The following SDK1 variants were observed in gnomAD, a reference collection of about 807,000 sequenced individuals.
The protein encoded by SDK1 is sidekick cell adhesion molecule 1, also known as protein sidekick-1.
A neutral mutation model predicts 245.5 loss-of-function variants in SDK1; 157 were observed. That is an observed-to-expected ratio of 0.64 (90% confidence interval 0.56 to 0.73). The LOEUF is 0.73. SDK1 is among the 30% of genes least tolerant of loss of function. SDK1 has a pLI of 0.00. For missense variants in SDK1, 3,583 were observed against 3,002.3 expected (o/e 1.19, Z -4.52); for synonymous variants, 1,647 against 1,278.5 (o/e 1.29, Z -6.15).
intron 5 of SDK1, among the ~76,000 whole-genome samples, chr7:3,943,944 C>T (rs535678729): frequency 1.2e-4 from 19 of 152,234 alleles, no homozygotes; most frequent in Non-Finnish European, 1.8e-4. Flanking sequence ...ACCTGGCGCC[C>T]GTTGGTTGCT....
chr7:4,160,724 A>G (rs971239325), intron 31 of SDK1, among the ~76,000 whole-genome samples: 3 of 152,192 alleles, frequency 2.0e-5, no homozygotes, highest in Admixed American at 6.5e-5. Flanking sequence ...CTGTATCACC[A>G]GGGCTGTCAG....
intron 35 of SDK1, among the ~76,000 whole-genome samples, chr7:4,196,449 C>G (rs1234384262): frequency 6.6e-6 from 1 of 152,254 alleles, no homozygotes; most frequent in Non-Finnish European, 1.5e-5. Context: ...TAAAGCCATT[C>G]AGTCCCCTGG....
intron 1 of SDK1, among the ~76,000 whole-genome samples, chr7:3,594,489 C>T (rs1161160729): frequency 1.3e-5 from 2 of 152,118 alleles, no homozygotes; most frequent in Non-Finnish European, 2.9e-5. Context: ...ATTACTGGGT[C>T]GTATGGTAAC....
chr7:4,232,397 C>CTTTTTTTTTTTTTTTTTTTTTTTTTT (rs1785838734), intron 40 of SDK1, among the ~76,000 whole-genome samples: 6 of 73,908 alleles, frequency 8.1e-5, no homozygotes, highest in Non-Finnish European at 1.4e-4. Context: ...TTTTTCTTTT[C>CTTTTTTTTTTTTTTTTTTTTTTTTTT]TTTTCTTTTC....
At chr7:3,650,185 G>C (rs576099523) in intron 4 of SDK1, among the ~76,000 whole-genome samples, 43 of 152,270 alleles carry the variant, frequency 2.8e-4, no homozygotes, top group African/African-American at 1.0e-3. Context: ...AGAGCGCTGG[G>C]AGTACAGGTG....
intron 17 of SDK1, among the ~76,000 whole-genome samples, chr7:4,022,232 G>A (rs1351467990): frequency 2.6e-5 from 4 of 152,192 alleles, no homozygotes; most frequent in East Asian, 1.9e-4. Context: ...AAGAGAATTC[G>A]ACAGCATGTC....
At chr7:3,969,690 C>T (rs1014070405) in intron 11 of SDK1, among the ~76,000 whole-genome samples, 13 of 152,182 alleles carry the variant, frequency 8.5e-5, no homozygotes, top group African/African-American at 3.1e-4. Flanking sequence ...GGAGATATTA[C>T]ACAAAACTAG....
intron 4 of SDK1, among the ~76,000 whole-genome samples, chr7:3,738,865 TTGA>T (rs1779396094): frequency 1.3e-5 from 2 of 152,186 alleles, no homozygotes; most frequent in African/African-American, 4.8e-5. Context: ...GTTCATTGTG[TTGA>T]TTTTGTTTCC....
At chr7:3,374,057 G>C (rs1342065443) in intron 1 of SDK1, among the ~76,000 whole-genome samples, 2 of 152,162 alleles carry the variant, frequency 1.3e-5, no homozygotes. Flanking sequence ...TGTCATCTCA[G>C]TCCAAATTGT....
At chr7:3,812,765 T>C (rs1779416544) in intron 4 of SDK1, among the ~76,000 whole-genome samples, 3 of 152,328 alleles carry the variant, frequency 2.0e-5, no homozygotes, top group Admixed American at 2.0e-4. Flanking sequence ...TGAAGTTTAA[T>C]GGCTTTCTCC....
intron 1 of SDK1, among the ~76,000 whole-genome samples, chr7:3,551,718 C>T (rs1031925630): frequency 5.9e-5 from 9 of 152,080 alleles, no homozygotes; most frequent in Non-Finnish European, 1.2e-4. Flanking sequence ...GTGTGTCACC[C>T]AGGCTGGAGT....
chr7:3,578,922 C>G (rs747081395), intron 1 of SDK1, among the ~76,000 whole-genome samples: 2 of 151,850 alleles, frequency 1.3e-5, no homozygotes, highest in African/African-American at 2.4e-5. Flanking sequence ...CATACATCCT[C>G]AGTTTATGAA....
intron 4 of SDK1, among the ~76,000 whole-genome samples, chr7:3,751,720 G>C (rs1450426616): frequency 1.3e-5 from 2 of 152,172 alleles, no homozygotes; most frequent in African/African-American, 4.8e-5. Flanking sequence ...ATGCGGAAGG[G>C]GGTTCCAGTC....
intron 40 of SDK1, among the ~76,000 whole-genome samples, chr7:4,223,764 G>T (rs1219515203): frequency 6.6e-6 from 1 of 152,210 alleles, no homozygotes; most frequent in Non-Finnish European, 1.5e-5. Context: ...GTGGGGGGCA[G>T]AGACATAATT....
chr7:3,326,943 ATAGT>A (rs1055619081), intron 1 of SDK1, among the ~76,000 whole-genome samples: 3 of 149,290 alleles, frequency 2.0e-5, no homozygotes, highest in Admixed American at 6.6e-5. Flanking sequence ...ATAAACTTTA[ATAGT>A]GAGTTAATTG....
At chr7:3,914,168 A>T (rs1283446656) in intron 5 of SDK1, among the ~76,000 whole-genome samples, 3 of 152,226 alleles carry the variant, frequency 2.0e-5, no homozygotes, top group African/African-American at 7.2e-5. Context: ...TGCATTATAC[A>T]GTTCATTTAT....
Position 3,880,987 on chromosome 7 carries a change from C to G in SDK1, c.847+59404C>G, listed in dbSNP as rs7783421. Among the ~76,000 whole-genome samples, 1,082 of 152,204 alleles carry G rather than the reference C, an allele frequency of 7.1e-3. 16 individuals are homozygous for G. The highest frequency in any genetic ancestry group is 0.024 in the African/African-American group (1,003 of 41,542). The stretch of plus-strand genomic sequence containing the variant: ...AAATGAGTAACAAGCCGCCCACTCA[C>G]CCTTGAGAACAAAAGAAAAGAGAGA... On this transcript the variant is annotated intron_variant, in intron 5 of 44. Transcript: ENST00000404826.
intron 44 of SDK1, among the ~76,000 whole-genome samples, chr7:4,248,625 TAC>T (rs1206507579): frequency 1.3e-5 from 2 of 150,800 alleles, no homozygotes; most frequent in Non-Finnish European, 3.0e-5. Flanking sequence ...CATACCTAAA[TAC>T]ACACACATGT....
At chr7:3,904,273 A>G (rs1266942980) in intron 5 of SDK1, among the ~76,000 whole-genome samples, 1 of 152,208 alleles carries the variant, frequency 6.6e-6, no homozygotes, top group Non-Finnish European at 1.5e-5. Flanking sequence ...AGTAGTTCCC[A>G]GGGGCTGTGG....
Sources: gnomAD v4.1 joint callset for allele counts (sites outside exome capture counted in the v4.1 genomes callset) on GRCh38, gnomAD v4.1.1 for gene constraint, MANE v1.5 for transcripts, NCBI Gene and HGNC (gene_info 2026-07-23, HGNC 2026-07-21) for gene names.